The following PPIL4 variants were observed in gnomAD, a reference collection of about 807,000 sequenced individuals.
The protein encoded by PPIL4 is peptidyl-prolyl cis-trans isomerase-like 4.
Under a neutral mutation model 69.1 loss-of-function variants are expected in PPIL4, and 50 were observed. The observed-to-expected ratio is 0.72, with a 90% CI of 0.58 to 0.92. The LOEUF is 0.92. PPIL4 is among the 40% of genes least tolerant of loss of function. PPIL4 has a pLI of 0.00. For missense variants in PPIL4, 480 were observed against 587.9 expected, an observed-to-expected ratio of 0.82 and a Z score of 1.90; for synonymous variants, 193 against 191.6, an observed-to-expected ratio of 1.01 and a Z score of -0.06.
At chr6:149,521,504 C>T (rs1211257352) in intron 9 of PPIL4, among the ~76,000 whole-genome samples, 4 of 152,148 alleles carry the variant, frequency 2.6e-5, no homozygotes, top group Non-Finnish European at 5.9e-5. Flanking sequence ...GTTCACAATC[C>T]TTTTTACTCA....
Position 149,544,649 on chromosome 6 carries a change from A to T in PPIL4, c.70+1287T>A, listed in dbSNP as rs146539396. On this transcript the variant is annotated intron_variant, in intron 1 of 12. Coordinates refer to ENST00000253329, the MANE Select transcript of PPIL4 (RefSeq NM_139126.4). ...GCTTAGAAAGGAGGGAGAGCTTCAA[A>T]GAAGAGATGATGCTTGATCTGAGAT... Among the ~76,000 whole-genome samples, 318 of 152,346 alleles carry T rather than the reference A, an allele frequency of 2.1e-3. 3 individuals are homozygous for T. The East Asian group carries it at 0.025, about 12-fold the overall frequency.
At chr6:149,521,758 T>G (rs1777033118) in intron 9 of PPIL4, among the ~76,000 whole-genome samples, 1 of 152,222 alleles carries the variant, frequency 6.6e-6, no homozygotes, top group Admixed American at 6.5e-5. Context: ...ATTACCTTTC[T>G]GAATTCTGAA....
intron 12 of PPIL4, 77 bp from the exon 13 acceptor site, chr6:149,505,781 G>GA: frequency 7.2e-7 from 1 of 1,394,452 alleles, no homozygotes. Context: ...ATAAAACTTA[G>GA]AAAAGTCTAC....
At chr6:149,535,537 G>C (rs1777263352) in intron 5 of PPIL4, 59 bp downstream of exon 5, 1 of 1,398,590 alleles carries the variant, frequency 7.2e-7, no homozygotes, top group African/African-American at 1.4e-5. Flanking sequence ...ACCACTACGT[G>C]TTAAACATCT....
intron 4 of PPIL4, among the ~76,000 whole-genome samples, chr6:149,540,022 G>A (rs112915884): frequency 0.027 from 4,087 of 152,132 alleles, 160 homozygotes; most frequent in African/African-American, 0.092. Context: ...CCCGCTACTC[G>A]GGAGGCTGAG....
intron 7 of PPIL4, among the ~76,000 whole-genome samples, chr6:149,529,396 G>A (rs1322948687): frequency 1.3e-5 from 2 of 150,776 alleles, no homozygotes; most frequent in Non-Finnish European, 3.0e-5. Flanking sequence ...AGGTCGGGGT[G>A]CAGTGAGCCA....
chr6:149,531,679 C>CT (rs1053200873), intron 7 of PPIL4, among the ~76,000 whole-genome samples: 12 of 151,502 alleles, frequency 7.9e-5, no homozygotes, highest in Non-Finnish European at 1.2e-4. Flanking sequence ...TTTCTTTTTT[C>CT]TTTTTTTTGA....
chr6:149,541,249 G>T (rs1035028073), intron 3 of PPIL4, 118 bp downstream of exon 3: 11 of 510,746 alleles, frequency 2.2e-5, no homozygotes, highest in Admixed American at 4.1e-5. Context: ...GCAGATTGAA[G>T]CATGAGCAAT....
At chr6:149,521,382 A>G (rs1044152920) in intron 9 of PPIL4, among the ~76,000 whole-genome samples, 2 of 152,242 alleles carry the variant, frequency 1.3e-5, no homozygotes, top group South Asian at 2.1e-4. Context: ...ATGAGAAAAC[A>G]GAAGTTTAGA....
rs539582675 is a variant in PPIL4 at position 149,522,653 on chromosome 6, G to C, written c.871-1482C>G. ...TTTTGAGACGGAGTCTTGCTCTGTCGCCAGGTTGGAGTGCAGTGGTGCGAT... is the reference window on the plus strand; with the variant it reads ...TTTTGAGACGGAGTCTTGCTCTGTCCCCAGGTTGGAGTGCAGTGGTGCGAT... On this transcript the variant is annotated intron_variant, in intron 9 of 12. Transcript: ENST00000253329. Among the ~76,000 whole-genome samples the C allele has an allele frequency of 3.3e-5, 5 of 152,016 alleles. 1 individual carries two copies. The highest frequency in any genetic ancestry group is 3.3e-4 in the Admixed American group (5 of 15,264).
At chr6:149,519,421 C>G (rs536428028) in intron 10 of PPIL4, among the ~76,000 whole-genome samples, 2 of 152,250 alleles carry the variant, frequency 1.3e-5, no homozygotes, top group East Asian at 3.9e-4. Context: ...AGCAGCTCAC[C>G]AACACTTTGA....
intron 4 of PPIL4, among the ~76,000 whole-genome samples, chr6:149,539,547 T>C (rs1049265388): frequency 7.3e-4 from 111 of 152,216 alleles, no homozygotes; most frequent in African/African-American, 2.6e-3. Flanking sequence ...TCAGCTAATT[T>C]TTGTATTTTT....
intron 11 of PPIL4, among the ~76,000 whole-genome samples, chr6:149,516,089 A>C (rs1776939753): frequency 6.6e-6 from 1 of 152,220 alleles, no homozygotes; most frequent in African/African-American, 2.4e-5. Context: ...TGGTTGTTTC[A>C]ATTAATTAAA....
At position 149,505,164 on chromosome 6, in the gene PPIL4, T is replaced by C. The variant is rs1039927309; in HGVS notation, c.*289A>G. On this transcript the variant is annotated 3_prime_UTR_variant, in exon 13 of 13. Transcript: ENST00000253329. ...ATCCCTTTATATATACGTTTATGTA[T>C]TTTTGTAGTATGAAATACTTCATTA... 1.1e-5 allele frequency: 3 copies of C among 271,120 alleles called. No homozygotes were observed. Among genetic ancestry groups the C allele is most frequent in the Admixed American group, 5.0e-5 (1 of 20,142 alleles). The allele number at this position is 271,120 out of a possible 1,614,324, so 16.8% of individuals were successfully genotyped here.
intron 4 of PPIL4, among the ~76,000 whole-genome samples, chr6:149,539,166 A>T (rs1374559252): frequency 1.3e-5 from 2 of 152,134 alleles, no homozygotes; most frequent in African/African-American, 4.8e-5. Context: ...ACTGAGATGG[A>T]ATCTACTGCT....
At chr6:149,515,116 G>A (rs1776922370) in intron 11 of PPIL4, among the ~76,000 whole-genome samples, 1 of 151,676 alleles carries the variant, frequency 6.6e-6, no homozygotes, top group African/African-American at 2.4e-5. Flanking sequence ...GGGATTATAG[G>A]CATGAGCCAC....
intron 12 of PPIL4, among the ~76,000 whole-genome samples, chr6:149,508,112 T>G (rs1204307014): frequency 6.6e-6 from 1 of 152,208 alleles, no homozygotes; most frequent in Non-Finnish European, 1.5e-5. Flanking sequence ...ATCCTCATTC[T>G]AGAAATAGGG....
intron 10 of PPIL4, among the ~76,000 whole-genome samples, chr6:149,519,871 T>A (rs1447449517): frequency 6.6e-6 from 1 of 152,226 alleles, no homozygotes; most frequent in Non-Finnish European, 1.5e-5. Flanking sequence ...TAGCATTACA[T>A]GTGAGTAACT....
chr6:149,530,514 C>T (rs912195491), intron 7 of PPIL4, among the ~76,000 whole-genome samples: 4 of 152,050 alleles, frequency 2.6e-5, no homozygotes, highest in African/African-American at 4.8e-5. Flanking sequence ...CAAAAATTAG[C>T]TGGGCGTGGT....
Sources: gnomAD v4.1 joint callset for allele counts (sites outside exome capture counted in the v4.1 genomes callset) on GRCh38, gnomAD v4.1.1 for gene constraint, MANE v1.5 for transcripts, NCBI Gene and HGNC (gene_info 2026-07-23, HGNC 2026-07-21) for gene names.